Variants in ZNF438 observed in about 807,000 individuals in gnomAD.
ZNF438 encodes the protein zinc finger protein 438.
In ZNF438, 25 loss-of-function variants were observed where a neutral mutation model predicts 38.0. That is an observed-to-expected ratio of 0.66 (90% CI 0.48 to 0.92). The LOEUF is 0.92. ZNF438 is among the 40% of genes least tolerant of loss of function. The pLI, the probability that ZNF438 is intolerant of heterozygous loss-of-function variation, is 0.00. For missense variants in ZNF438, 1,007 were observed against 999.6 expected (o/e 1.01, Z -0.10); for synonymous variants, 372 against 364.1 (o/e 1.02, Z -0.25).
intron 2 of ZNF438, among the ~76,000 whole-genome samples, chr10:30,916,304 GATT>G (rs1034183347): frequency 6.6e-6 from 1 of 151,970 alleles, no homozygotes; most frequent in African/African-American, 2.4e-5. Flanking sequence ...TATCCTTAAA[GATT>G]ATTTAAGTGT....
chr10:30,906,923 T>G (rs1564619484), intron 3 of ZNF438, among the ~76,000 whole-genome samples: 1 of 152,242 alleles, frequency 6.6e-6, no homozygotes, highest in Non-Finnish European at 1.5e-5. Flanking sequence ...GGTCTTGGTT[T>G]CTATGCTTTT....
intron 1 of ZNF438, among the ~76,000 whole-genome samples, chr10:30,995,655 G>T (rs902643489): frequency 1.2e-4 from 18 of 152,128 alleles, no homozygotes; most frequent in Non-Finnish European, 2.2e-4. Context: ...CTGATTTAAA[G>T]AATAATTCAA....
intron 1 of ZNF438, among the ~76,000 whole-genome samples, chr10:31,011,976 C>A (rs1448986636): frequency 3.9e-5 from 6 of 152,150 alleles, no homozygotes. Context: ...CTTATACAAG[C>A]CCCTGCCAGG....
intron 1 of ZNF438, among the ~76,000 whole-genome samples, chr10:30,995,255 A>G (rs1365013087): frequency 6.6e-6 from 1 of 152,212 alleles, no homozygotes; most frequent in Non-Finnish European, 1.5e-5. Flanking sequence ...TGAAAGCAGC[A>G]AGAGCAAAAT....
intron 1 of ZNF438, among the ~76,000 whole-genome samples, chr10:31,031,289 C>T (rs2057277455): frequency 1.3e-5 from 2 of 152,204 alleles, no homozygotes. Flanking sequence ...GCTGTGGGAA[C>T]AACCATTAGG....
chr10:30,954,403 C>G (rs2048630664), intron 1 of ZNF438, among the ~76,000 whole-genome samples: 1 of 152,176 alleles, frequency 6.6e-6, no homozygotes, highest in Admixed American at 6.5e-5. Flanking sequence ...TACAGAATTA[C>G]TATTAAGGCT....
chr10:30,939,757 C>G (rs17295500), intron 2 of ZNF438, among the ~76,000 whole-genome samples: 12,065 of 152,268 alleles, frequency 0.079, 568 homozygotes, highest in Non-Finnish European at 0.11. Flanking sequence ...CAGAAACTTT[C>G]TGTCCTATTT....
chr10:30,953,544 T>C (rs1050275344), intron 1 of ZNF438, among the ~76,000 whole-genome samples: 2 of 151,126 alleles, frequency 1.3e-5, no homozygotes, highest in South Asian at 2.1e-4. Context: ...ACTAGCAGTA[T>C]TGAGAAATAT....
At chr10:30,933,182 A>G (rs2045880023) in intron 2 of ZNF438, among the ~76,000 whole-genome samples, 1 of 152,244 alleles carries the variant, frequency 6.6e-6, no homozygotes, top group African/African-American at 2.4e-5. Context: ...AGATGGTGGT[A>G]TAAGTAACAT....
At chr10:30,890,546 C>T (rs2040553853) in intron 3 of ZNF438, among the ~76,000 whole-genome samples, 2 of 152,172 alleles carry the variant, frequency 1.3e-5, no homozygotes, top group African/African-American at 2.4e-5. Context: ...CTATGGGCAC[C>T]TTTACTGCCT....
exon 5 of ZNF438, chr10:30,850,365 C>T: frequency 6.2e-7 from 1 of 1,609,710 alleles, no homozygotes; most frequent in East Asian, 2.2e-5. Context: ...ATGTTTGATT[C>T]ACCTGCAATG....
At chr10:31,031,749 C>G (rs1041313965) in intron 1 of ZNF438, 84 bp downstream of exon 1, 3 of 154,276 alleles carry the variant, frequency 1.9e-5, no homozygotes, top group Non-Finnish European at 4.3e-5. Context: ...ACTGACGCCC[C>G]CAGAGCCACC....
At chr10:30,978,970 T>C (rs1349857403) in intron 1 of ZNF438, among the ~76,000 whole-genome samples, 1 of 152,250 alleles carries the variant, frequency 6.6e-6, no homozygotes, top group Non-Finnish European at 1.5e-5. Context: ...CTGTTTCATT[T>C]GCATTGAGGC....
chr10:30,973,334 T>C (rs1401930053), intron 1 of ZNF438, among the ~76,000 whole-genome samples: 1 of 152,202 alleles, frequency 6.6e-6, no homozygotes, highest in Admixed American at 6.5e-5. Flanking sequence ...ACTTTGTAAG[T>C]CCTGCTGCCT....
intron 3 of ZNF438, among the ~76,000 whole-genome samples, chr10:30,897,194 A>G (rs886402179): frequency 6.6e-6 from 1 of 152,180 alleles, no homozygotes; most frequent in African/African-American, 2.4e-5. Flanking sequence ...TACACACTGT[A>G]TATCTGGGTA....
chr10:30,922,421 T>C (rs897716775), intron 2 of ZNF438, among the ~76,000 whole-genome samples: 1 of 152,360 alleles, frequency 6.6e-6, no homozygotes, highest in Non-Finnish European at 1.5e-5. Context: ...AAGATAAGTT[T>C]GAAAATAAAT....
intron 5 of ZNF438, among the ~76,000 whole-genome samples, chr10:30,847,210 C>G (rs1030871559): frequency 6.6e-6 from 1 of 152,232 alleles, no homozygotes; most frequent in African/African-American, 2.4e-5. Context: ...GTCATGTGGA[C>G]TGGAGTGGGA....
chr10:31,023,550 AATCAAAAGTATGTTAT>A (rs1419550611), intron 1 of ZNF438, among the ~76,000 whole-genome samples: 1 of 152,250 alleles, frequency 6.6e-6, no homozygotes, highest in South Asian at 2.1e-4. Context: ...AGAAAAGCAA[AATCAAAAGTATGTTAT>A]ATTAGCGCCA....
At position 30,863,666 on chromosome 10, in the gene ZNF438, G is replaced by GC. The variant is rs1282647847; in HGVS notation, c.38-13300dup. ...TCCCTGGAGATGGAGTGATGACACAGCCCACTGCTTCTCCTTGCCCCGAGG... is the reference window on the plus strand; with the variant it reads ...TCCCTGGAGATGGAGTGATGACACAGCCCCACTGCTTCTCCTTGCCCCGAGG... On this transcript the variant is annotated intron_variant, in intron 4 of 5. Coordinates refer to ENST00000413025, the Ensembl canonical transcript of ZNF438. Among the ~76,000 whole-genome samples the GC allele has an allele frequency of 7.9e-5, 12 of 152,304 alleles. No individual in the cohort carries two copies. In the South Asian group the frequency reaches 2.5e-3, roughly 32 times the overall value.
Sources: gnomAD v4.1 joint callset for allele counts (sites outside exome capture counted in the v4.1 genomes callset) on GRCh38, gnomAD v4.1.1 for gene constraint, MANE v1.5 for transcripts, NCBI Gene and HGNC (gene_info 2026-07-23, HGNC 2026-07-21) for gene names.